FAT3: variants seen among roughly 807,000 people sequenced by gnomAD.
FAT3 encodes the protein FAT atypical cadherin 3, also known as protocadherin Fat 3.
Under a neutral mutation model 310.2 loss-of-function variants are expected in FAT3, and 95 were observed. That is an observed-to-expected ratio of 0.31 (90% confidence interval 0.26 to 0.36). The LOEUF is 0.36. Ranked by LOEUF, FAT3 falls within the 10% of genes least tolerant of loss-of-function variation. FAT3 has a pLI of 1.00. For synonymous variants in FAT3, 2,314 were observed against 2,192.9 expected (o/e 1.06, Z -1.54); for missense variants, 5,408 against 5,715.6 (o/e 0.95, Z 1.74).
At chr11:92,584,684 G>A (rs1939039605) in intron 3 of FAT3, among the ~76,000 whole-genome samples, 1 of 152,008 alleles carries the variant, frequency 6.6e-6, no homozygotes, top group Non-Finnish European at 1.5e-5. Flanking sequence ...TGGTAGAAAA[G>A]GAGTGGGGAA....
intron 13 of FAT3, among the ~76,000 whole-genome samples, chr11:92,814,848 C>T (rs1357036429): frequency 6.6e-6 from 1 of 152,172 alleles, no homozygotes; most frequent in Non-Finnish European, 1.5e-5. Context: ...ACACGTTCTG[C>T]ACATGTATCC....
At chr11:92,331,431 A>T (rs1407271340) in intron 1 of FAT3, among the ~76,000 whole-genome samples, 6 of 152,036 alleles carry the variant, frequency 3.9e-5, no homozygotes. Context: ...GCAGAAGCAC[A>T]TGAAATGCAG....
intron 2 of FAT3, among the ~76,000 whole-genome samples, chr11:92,368,899 C>CACATATATATATAT (rs1565263787): frequency 8.2e-6 from 1 of 121,336 alleles, no homozygotes; most frequent in Non-Finnish European, 1.6e-5. Flanking sequence ...TATACACACA[C>CACATATATATATAT]ACATATATAT....
chr11:92,326,601 TATAA>T (rs1319910917), intron 1 of FAT3, among the ~76,000 whole-genome samples: 1 of 152,226 alleles, frequency 6.6e-6, no homozygotes, highest in Non-Finnish European at 1.5e-5. Flanking sequence ...TGATGGTGGA[TATAA>T]TAGATGTGAC....
rs1353768208 is a variant in FAT3 at position 92,883,019 on chromosome 11, A to G, written c.12563A>G (p.Asn4188Ser). ...KVFRKNYSRN[N>S]ITLVQDPATA... is the part of the protein sequence containing the mutation. ...TTCCGCAAGAACTACTCCCGCAACA[A>G]CATCACGCTAGTGCAGGACCCGGCC... is the stretch of plus-strand genomic sequence containing the variant. Residue 4188 changes from asparagine (N) to serine (S), a missense_variant, in exon 24 of 28, where the codon AAC becomes AGC. By Grantham distance (46) the Asn-to-Ser change is conservative. Around this residue, in one of 5 missense-constraint regions of FAT3, gnomAD observed 649 missense variants for 666.2 expected, o/e 0.97. Coordinates refer to ENST00000525166, the MANE Select transcript of FAT3 (RefSeq NM_001367949.2). This position sits in a 1 kb window ranked among gnomAD's most constrained non-coding sequence, Gnocchi z 4.2. 6.2e-7 allele frequency: 1 copy of G among 1,613,924 alleles called. No homozygotes were observed. Among genetic ancestry groups the G allele is most frequent in the Admixed American group, 1.7e-5 (1 of 60,034 alleles).
intron 19 of FAT3, 105 bp downstream of exon 19, chr11:92,844,837 T>A: frequency 7.8e-7 from 1 of 1,276,156 alleles, no homozygotes; most frequent in Non-Finnish European, 1.1e-6. Context: ...AACTAAATAT[T>A]AAATGATCAA....
chr11:92,486,612 A>T (rs1952414841), intron 2 of FAT3, among the ~76,000 whole-genome samples: 1 of 152,130 alleles, frequency 6.6e-6, no homozygotes, highest in Admixed American at 6.6e-5. Context: ...AAATGATTCC[A>T]TCCGTATCTC....
chr11:92,767,274 A>G (rs1297170592), intron 6 of FAT3, among the ~76,000 whole-genome samples: 1 of 151,702 alleles, frequency 6.6e-6, no homozygotes, highest in Non-Finnish European at 1.5e-5. Context: ...AAAAAGCCTA[A>G]AGGAGAATGC....
intron 2 of FAT3, among the ~76,000 whole-genome samples, chr11:92,505,710 A>G (rs1953079203): frequency 6.6e-6 from 1 of 152,126 alleles, no homozygotes; most frequent in Non-Finnish European, 1.5e-5. Context: ...ACAACTCATC[A>G]CCACATATAG....
At chr11:92,557,444 G>A (rs1398305976) in intron 3 of FAT3, among the ~76,000 whole-genome samples, 1 of 152,188 alleles carries the variant, frequency 6.6e-6, no homozygotes, top group African/African-American at 2.4e-5. Flanking sequence ...AGACTGACAA[G>A]ATTTCGTGGT....
chr11:92,334,556 T>A (rs980571860), intron 1 of FAT3, among the ~76,000 whole-genome samples: 421 of 152,198 alleles, frequency 2.8e-3, no homozygotes, highest in African/African-American at 9.9e-3. Context: ...CTAGGGTTTT[T>A]TTTTTCTTTC....
chr11:92,708,018 G>T (rs1380852965), intron 4 of FAT3, among the ~76,000 whole-genome samples: 2 of 152,194 alleles, frequency 1.3e-5, no homozygotes, highest in African/African-American at 2.4e-5. Flanking sequence ...CAAGTGCCTT[G>T]CTTTTGTGGC....
intron 1 of FAT3, among the ~76,000 whole-genome samples, chr11:92,247,458 A>AT: frequency 6.6e-6 from 1 of 150,550 alleles, no homozygotes; most frequent in East Asian, 2.0e-4. Flanking sequence ...CTCTTTCCTC[A>AT]TTTTTTCCAC....
intron 2 of FAT3, among the ~76,000 whole-genome samples, chr11:92,460,065 G>T (rs111853449): frequency 2.0e-5 from 3 of 152,126 alleles, no homozygotes; most frequent in African/African-American, 7.2e-5. Flanking sequence ...AAAAGCAGCT[G>T]TTCTCTGTCT....
At chr11:92,388,836 A>G (rs1273053198) in intron 2 of FAT3, among the ~76,000 whole-genome samples, 1 of 152,220 alleles carries the variant, frequency 6.6e-6, no homozygotes, top group Non-Finnish European at 1.5e-5. Context: ...TGGGAAGTCT[A>G]TAGGCTTGTC....
chr11:92,877,458 GTGC>G (rs1949560168), intron 22 of FAT3, among the ~76,000 whole-genome samples: 1 of 152,146 alleles, frequency 6.6e-6, no homozygotes, highest in African/African-American at 2.4e-5. Context: ...GCCAGACACT[GTGC>G]TGTACAGGGG....
At chr11:92,587,397 C>A (rs1374333806) in intron 3 of FAT3, among the ~76,000 whole-genome samples, 1 of 151,942 alleles carries the variant, frequency 6.6e-6, no homozygotes, top group Non-Finnish European at 1.5e-5. Context: ...GTAAACGAAT[C>A]TGCTTTTACT....
chr11:92,454,833 C>T (rs1251817950), intron 2 of FAT3, among the ~76,000 whole-genome samples: 1 of 152,074 alleles, frequency 6.6e-6, no homozygotes, highest in African/African-American at 2.4e-5. Context: ...TAATACTTAA[C>T]ATTTACTTTT....
At chr11:92,809,714 G>A (rs1047684198) in intron 12 of FAT3, 129 bp from the exon 13 acceptor site, 3 of 675,370 alleles carry the variant, frequency 4.4e-6, no homozygotes, top group African/African-American at 3.6e-5. Flanking sequence ...TTTAAAGTAT[G>A]GGACACTTGG....
Sources: gnomAD v4.1 joint callset for allele counts (sites outside exome capture counted in the v4.1 genomes callset) on GRCh38, gnomAD v4.1.1 for gene constraint, gnomAD v4.1.1 regional missense constraint, Gnocchi (gnomAD v3.1) non-coding constraint, MANE v1.5 for transcripts, NCBI Gene and HGNC (gene_info 2026-07-23, HGNC 2026-07-21) for gene names.